The following KCNJ12 variants were observed in gnomAD, a reference collection of about 807,000 sequenced individuals.
KCNJ12 encodes ATP-sensitive inward rectifier potassium channel 12.
In KCNJ12, 2 loss-of-function variants were observed where a neutral mutation model predicts 22.3. The ratio of observed to expected loss-of-function variants is 0.09; its 90% CI spans 0.04 to 0.28. KCNJ12 has a LOEUF of 0.28. Ranked by LOEUF, KCNJ12 falls within the 10% of genes least tolerant of loss-of-function variation. KCNJ12 has a pLI of 1.00. For synonymous variants in KCNJ12, 117 were observed against 261.4 expected (o/e 0.45, Z 5.33); for missense variants, 155 against 633.3 (o/e 0.24, Z 8.11).
chr17:21,398,233 T>C (rs1012828441), intron 1 of KCNJ12, among the ~76,000 whole-genome samples: 1 of 152,034 alleles, frequency 6.6e-6, no homozygotes, highest in Non-Finnish European at 1.5e-5. Flanking sequence ...CAGGCCCGAG[T>C]CTGTGTGCAT....
chr17:21,398,643 G>C (rs1047259834), intron 1 of KCNJ12, among the ~76,000 whole-genome samples: 17 of 152,304 alleles, frequency 1.1e-4, no homozygotes, highest in African/African-American at 4.1e-4. Context: ...CTCCCTTCCT[G>C]GTGCTTCCCG....
In KCNJ12 at chr17:21,376,963, T is replaced by C. The variant is rs1404166174; in HGVS notation, c.-179+50T>C. The C allele has an allele frequency of 6.6e-6, 1 of 151,594 alleles. No homozygotes were observed. Among genetic ancestry groups the C allele is most frequent in the Non-Finnish European group, 1.5e-5 (1 of 67,846 alleles). The allele number at this position is 151,594 out of a possible 1,614,324, so 9.4% of individuals were successfully genotyped here. ...GGTCCCTCCCGGGCCCGGCCCCAGTTCCCCGCAGGCCGCGCCTCGCCACTA... is the reference window on the plus strand; with the variant it reads ...GGTCCCTCCCGGGCCCGGCCCCAGTCCCCCGCAGGCCGCGCCTCGCCACTA... On this transcript the variant is annotated intron_variant, in intron 1 of 2. Coordinates refer to ENST00000583088, the MANE Select transcript of KCNJ12 (RefSeq NM_021012.5). The surrounding 1 kb of genome is among the most constrained non-coding windows in gnomAD (Gnocchi z 5.3).
chr17:21,403,395 T>C (rs1241880099), intron 1 of KCNJ12, among the ~76,000 whole-genome samples: 8 of 152,296 alleles, frequency 5.3e-5, no homozygotes, highest in African/African-American at 1.9e-4. Flanking sequence ...TACATATTTT[T>C]ATGTTGGCAA....
intron 1 of KCNJ12, among the ~76,000 whole-genome samples, chr17:21,382,997 G>C (rs781967102): frequency 2.0e-5 from 3 of 151,972 alleles, no homozygotes; most frequent in Admixed American, 6.5e-5. Flanking sequence ...CCGGAGGAAG[G>C]CTGGGGCGCA....
intron 1 of KCNJ12, among the ~76,000 whole-genome samples, chr17:21,385,616 G>A (rs1209304102): frequency 6.6e-6 from 1 of 152,212 alleles, no homozygotes; most frequent in Non-Finnish European, 1.5e-5. Context: ...GGCCCTCCCT[G>A]GGGGTTGTGT....
intron 1 of KCNJ12, among the ~76,000 whole-genome samples, chr17:21,400,519 C>T (rs560916931): frequency 3.9e-5 from 6 of 152,422 alleles, no homozygotes; most frequent in East Asian, 3.9e-4. Context: ...TGCTACACCC[C>T]GCACAGAGCC....
chr17:21,393,722 A>T (rs1189291449), intron 1 of KCNJ12, among the ~76,000 whole-genome samples: 1 of 152,208 alleles, frequency 6.6e-6, no homozygotes, highest in Non-Finnish European at 1.5e-5. Context: ...CCCGCTTTAC[A>T]GATGAAACCA....
At chr17:21,410,151 C>T (rs1353528065) in intron 2 of KCNJ12, among the ~76,000 whole-genome samples, 1 of 152,188 alleles carries the variant, frequency 6.6e-6, no homozygotes, top group Non-Finnish European at 1.5e-5. Context: ...CCCAGGAGTG[C>T]CCCTCCTGGC....
chr17:21,389,122 A>T (rs574637676), intron 1 of KCNJ12, among the ~76,000 whole-genome samples: 3 of 152,310 alleles, frequency 2.0e-5, no homozygotes, highest in African/African-American at 7.2e-5. Context: ...TTGCCTGGCC[A>T]GGTGTTAGGC....
chr17:21,394,777 G>C (rs909569820), intron 1 of KCNJ12, among the ~76,000 whole-genome samples: 1 of 152,212 alleles, frequency 6.6e-6, no homozygotes, highest in African/African-American at 2.4e-5. Context: ...CCGGCCTGGC[G>C]TAAGGCGTTG....
intron 1 of KCNJ12, among the ~76,000 whole-genome samples, chr17:21,404,072 A>G (rs1905790411): frequency 2.0e-5 from 3 of 152,192 alleles, no homozygotes; most frequent in Admixed American, 2.0e-4. Context: ...TGATGGTGGC[A>G]AGGCTGTGCC....
At chr17:21,401,861 C>T (rs1395220991) in intron 1 of KCNJ12, among the ~76,000 whole-genome samples, 8 of 152,174 alleles carry the variant, frequency 5.3e-5, no homozygotes, top group Non-Finnish European at 8.8e-5. Flanking sequence ...TCAGAAAGAC[C>T]GGCTGCACCC....
chr17:21,403,717 G>A (rs1329615579), intron 1 of KCNJ12, among the ~76,000 whole-genome samples: 1 of 152,070 alleles, frequency 6.6e-6, no homozygotes, highest in Non-Finnish European at 1.5e-5. Context: ...AAGGGAGAGG[G>A]TGGGAGGACA....
Position 21,384,645 on chromosome 17 carries a change from C to G in KCNJ12, c.-179+7732C>G, listed in dbSNP as rs564042053. 4.6e-5 allele frequency among the ~76,000 whole-genome samples: 7 copies of G among 152,222 alleles called. No homozygotes were observed. In the East Asian group the frequency reaches 1.2e-3, roughly 25 times the overall value. ...CCACTGGGGTCCTTCTTCCTTTAGC[C>G]TCTCTTCTTCCCTTAGCCCTGACCT... On this transcript the variant is annotated intron_variant, in intron 1 of 2. Coordinates refer to ENST00000583088, the MANE Select transcript of KCNJ12 (RefSeq NM_021012.5).
At position 21,383,171 on chromosome 17, in the gene KCNJ12, G is replaced by C. The variant is rs191492642; in HGVS notation, c.-179+6258G>C. ...AGGTCAAGGGGGATGGAGTGGCCTG[G>C]TGGCCGGAGGTGTGCCCTTGCCCCT... On this transcript the variant is annotated intron_variant, in intron 1 of 2. Coordinates refer to ENST00000583088, the MANE Select transcript of KCNJ12 (RefSeq NM_021012.5). 2.6e-4 allele frequency among the ~76,000 whole-genome samples: 39 copies of C among 152,370 alleles called. No homozygotes were observed. In the East Asian group the frequency reaches 6.7e-3, roughly 26 times the overall value.
chr17:21,411,768 G>A (rs1298875479), intron 2 of KCNJ12, among the ~76,000 whole-genome samples: 1 of 152,308 alleles, frequency 6.6e-6, no homozygotes, highest in African/African-American at 2.4e-5. Context: ...TTGAGCAAGA[G>A]CCAAAAAGGC....
At chr17:21,399,236 T>A (rs1366008891) in intron 1 of KCNJ12, among the ~76,000 whole-genome samples, 1 of 152,242 alleles carries the variant, frequency 6.6e-6, no homozygotes, top group Admixed American at 6.5e-5. Context: ...GGCCCCCAGA[T>A]GCTGGCCGAT....
At chr17:21,390,647 A>G (rs1163023135) in intron 1 of KCNJ12, among the ~76,000 whole-genome samples, 10 of 152,120 alleles carry the variant, frequency 6.6e-5, no homozygotes, top group South Asian at 2.1e-4. Flanking sequence ...TTCTTGTAAC[A>G]ATAAGCATTT....
At chr17:21,385,819 C>T (rs540683317) in intron 1 of KCNJ12, among the ~76,000 whole-genome samples, 1 of 152,336 alleles carries the variant, frequency 6.6e-6, no homozygotes, top group East Asian at 1.9e-4. Flanking sequence ...GGTGGGGATG[C>T]CCCAGATCAA....
Sources: gnomAD v4.1 joint callset for allele counts (sites outside exome capture counted in the v4.1 genomes callset) on GRCh38, gnomAD v4.1.1 for gene constraint, Gnocchi (gnomAD v3.1) non-coding constraint, MANE v1.5 for transcripts, NCBI Gene and HGNC (gene_info 2026-07-23, HGNC 2026-07-21) for gene names.